TOM1L1: variants seen among roughly 807,000 people sequenced by gnomAD.
TOM1L1 encodes target of myb1 like 1 membrane trafficking protein.
In TOM1L1, 64 loss-of-function variants were observed where a neutral mutation model predicts 63.4. The observed-to-expected ratio is 1.01, with a 90% confidence interval of 0.83 to 1.24. The LOEUF is 1.24. Ranked by LOEUF, TOM1L1 falls within the 50% of genes most tolerant of loss-of-function variation. TOM1L1 has a pLI of 0.00. For missense variants in TOM1L1, 536 were observed against 567.0 expected, an observed-to-expected ratio of 0.95 and a Z score of 0.55; for synonymous variants, 166 against 194.4, an observed-to-expected ratio of 0.85 and a Z score of 1.22.
chr17:54,945,591 G>A (rs2049105115), intron 11 of TOM1L1, among the ~76,000 whole-genome samples: 2 of 151,750 alleles, frequency 1.3e-5, no homozygotes, highest in Admixed American at 1.3e-4. Flanking sequence ...TGTTTAGATT[G>A]GACACTTTCT....
intron 14 of TOM1L1, chr17:54,957,107 T>C (rs2049551493): frequency 6.6e-6 from 1 of 152,242 alleles, no homozygotes; most frequent in Admixed American, 6.5e-5. Flanking sequence ...ATTACTCAAG[T>C]TGATTGTACT....
intron 8 of TOM1L1, among the ~76,000 whole-genome samples, chr17:54,931,949 G>GTTTTTTTTTTTT (rs10632110): frequency 2.5e-5 from 3 of 121,478 alleles, no homozygotes; most frequent in African/African-American, 9.7e-5. Flanking sequence ...TTTTTTCTTC[G>GTTTTTTTTTTTT]TTTTTTTTTT....
intron 11 of TOM1L1, among the ~76,000 whole-genome samples, chr17:54,945,177 C>G (rs532889458): frequency 2.6e-5 from 4 of 152,114 alleles, no homozygotes; most frequent in East Asian, 3.9e-4. Context: ...TGTATGTGTC[C>G]CAAATCTCCC....
At chr17:54,903,919 C>T in intron 2 of TOM1L1, 127 bp downstream of exon 2, 1 of 765,064 alleles carries the variant, frequency 1.3e-6, no homozygotes, top group South Asian at 1.8e-5. Context: ...TAGGCACCCT[C>T]TATCTTTTGA....
At chr17:54,931,555 CTTGGGAGG>C (rs2048858496) in intron 8 of TOM1L1, among the ~76,000 whole-genome samples, 2 of 152,134 alleles carry the variant, frequency 1.3e-5, no homozygotes, top group South Asian at 2.1e-4. Context: ...ATCCCAGCAC[CTTGGGAGG>C]CTGAGGTGGG....
rs746354145 is a variant in TOM1L1, at chr17:54,929,293, T to TA, written c.721-773dup. Among the ~76,000 whole-genome samples the TA allele has an allele frequency of 1.2e-3, 179 of 151,932 alleles. 1 individual carries two copies. Among genetic ancestry groups the TA allele is most frequent in the Non-Finnish European group, 2.1e-3 (146 of 67,946 alleles). On this transcript the variant is annotated intron_variant, in intron 7 of 15. Coordinates refer to ENST00000575882, the MANE Select transcript of TOM1L1 (RefSeq NM_005486.3). The stretch of plus-strand genomic sequence containing the variant: ...AAGAAACACTTTGGAGTGCTTGTTT[T>TA]AAAAAAATGTAGATTTTCAGACACC...
chr17:54,934,800 C>T (rs1420380234), intron 8 of TOM1L1, among the ~76,000 whole-genome samples: 1 of 152,022 alleles, frequency 6.6e-6, no homozygotes, highest in Non-Finnish European at 1.5e-5. Flanking sequence ...TCACTGCAAC[C>T]TCCGCCTCCC....
intron 11 of TOM1L1, among the ~76,000 whole-genome samples, chr17:54,944,870 G>C (rs1326116035): frequency 1.3e-5 from 2 of 151,738 alleles, no homozygotes; most frequent in African/African-American, 4.8e-5. Flanking sequence ...CAATATGTGG[G>C]GTATGGATTT....
chr17:54,943,491 G>A (rs1012481140), intron 11 of TOM1L1, among the ~76,000 whole-genome samples: 1 of 134,328 alleles, frequency 7.4e-6, no homozygotes, highest in Non-Finnish European at 1.6e-5. Context: ...AAATAAAGTT[G>A]CTTGGTAAAT....
intron 3 of TOM1L1, among the ~76,000 whole-genome samples, chr17:54,908,506 A>G (rs2048446876): frequency 6.6e-6 from 1 of 152,216 alleles, no homozygotes; most frequent in Non-Finnish European, 1.5e-5. Flanking sequence ...TAATCCCTAT[A>G]TATGACATTT....
intron 3 of TOM1L1, among the ~76,000 whole-genome samples, chr17:54,908,630 C>T (rs901805863): frequency 1.3e-5 from 2 of 152,118 alleles, no homozygotes; most frequent in African/African-American, 4.8e-5. Context: ...TGGGCTTTGA[C>T]GGAACCTGAC....
At chr17:54,911,761 G>A (rs1021572381) in intron 3 of TOM1L1, among the ~76,000 whole-genome samples, 12 of 152,018 alleles carry the variant, frequency 7.9e-5, no homozygotes, top group African/African-American at 1.9e-4. Context: ...TTCTCCCTCC[G>A]CTTGCCTTTG....
At chr17:54,907,257 T>C (rs2143741449) in intron 3 of TOM1L1, among the ~76,000 whole-genome samples, 1 of 150,572 alleles carries the variant, frequency 6.6e-6, no homozygotes, top group South Asian at 2.1e-4. Flanking sequence ...AATCCCAGAA[T>C]GATGGGTCAC....
At chr17:54,907,600 C>T (rs1222711195) in intron 3 of TOM1L1, among the ~76,000 whole-genome samples, 1 of 152,148 alleles carries the variant, frequency 6.6e-6, no homozygotes, top group Non-Finnish European at 1.5e-5. Context: ...AAGCACCCCA[C>T]CCTCATACAC....
At chr17:54,951,174 C>T (rs1325903066) in intron 14 of TOM1L1, among the ~76,000 whole-genome samples, 1 of 152,160 alleles carries the variant, frequency 6.6e-6, no homozygotes, top group African/African-American at 2.4e-5. Context: ...GAGCAGCTCA[C>T]AGAACTCAGG....
Position 54,949,598 on chromosome 17 carries a change from G to A in TOM1L1, c.1263G>A (p.Leu421=), listed in dbSNP as rs1446340030. The part of the protein sequence containing the change: ...TIAAAPSNQS[L]PPLPSNHPAM... ...CAGCAGCACCATCAAACCAGAGTCT[G>A]CCACCTTTGCCCAGCAATCATCCAG... Residue 421 remains leucine (L), a synonymous_variant, in exon 13 of 16, where the codon CTG becomes CTA. Transcript: ENST00000575882. 6.2e-7 allele frequency: 1 copy of A among 1,613,210 alleles called. No individual in the cohort carries two copies. The highest frequency in any genetic ancestry group is 1.7e-5 in the Admixed American group (1 of 60,016).
intron 3 of TOM1L1, among the ~76,000 whole-genome samples, chr17:54,910,221 C>G (rs536139616): frequency 6.6e-6 from 1 of 152,104 alleles, no homozygotes; most frequent in Non-Finnish European, 1.5e-5. Flanking sequence ...TTTGGGAGGC[C>G]GGGGTGGATG....
intron 7 of TOM1L1, chr17:54,917,219 C>G (rs2048605275): frequency 6.6e-6 from 1 of 152,134 alleles, no homozygotes; most frequent in Non-Finnish European, 1.5e-5. Flanking sequence ...TTCTCAGCTC[C>G]TACTTTAAAT....
intron 7 of TOM1L1, among the ~76,000 whole-genome samples, chr17:54,922,713 T>C (rs2048704725): frequency 6.6e-6 from 1 of 152,176 alleles, no homozygotes. Flanking sequence ...TTTTGCTGAA[T>C]GGGCTGAGAA....
Sources: allele counts gnomAD v4.1 joint callset (sites outside exome capture counted in the v4.1 genomes callset), GRCh38; gene constraint gnomAD v4.1.1; transcripts MANE v1.5; gene names NCBI Gene and HGNC (gene_info 2026-07-23, HGNC 2026-07-21).